ZNF346: variants seen among roughly 807,000 people sequenced by gnomAD.
ZNF346 encodes the protein zinc finger protein 346, also known as double-stranded RNA-binding zinc finger protein JAZ.
A neutral mutation model predicts 33.7 loss-of-function variants in ZNF346; 23 were observed. The ratio of observed to expected loss-of-function variants is 0.68; its 90% CI spans 0.49 to 0.97. The LOEUF is 0.97. Ranked by LOEUF, ZNF346 falls within the 50% of genes least tolerant of loss-of-function variation. The pLI is 0.00. For synonymous variants in ZNF346, 134 were observed against 142.4 expected (o/e 0.94, Z 0.42); for missense variants, 340 against 371.1 (o/e 0.92, Z 0.69).
intron 5 of ZNF346, among the ~76,000 whole-genome samples, chr5:177,059,810 A>G (rs1483502153): frequency 6.6e-6 from 1 of 152,232 alleles, no homozygotes; most frequent in African/African-American, 2.4e-5. Flanking sequence ...TGTGGTAAAT[A>G]CGTAGTAAAC....
chr5:177,060,094 T>C (rs1484715014), intron 5 of ZNF346, among the ~76,000 whole-genome samples: 5 of 152,168 alleles, frequency 3.3e-5, no homozygotes, highest in Admixed American at 2.6e-4. Context: ...GCCTTCACCC[T>C]GAGAGCACTG....
chr5:177,044,532 A>T lies in ZNF346; in HGVS notation c.516A>T (p.Glu172Asp). 6.2e-7 allele frequency: 1 copy of T among 1,613,628 alleles called. No homozygotes were observed. Among genetic ancestry groups the T allele is most frequent in the Non-Finnish European group, 8.5e-7 (1 of 1,179,958 alleles). Reference sequence around the variant, plus strand: ...TGAAGCAGCAGTCCACTAAGGTGGAAGGTACTGGTTTTCCTGAGTAGTGCT... The same window carrying T: ...TGAAGCAGCAGTCCACTAAGGTGGATGGTACTGGTTTTCCTGAGTAGTGCT... The part of the protein sequence containing the change: ...LKLKQQSTKV[E>D]ALHQNREMID... Residue 172 changes from glutamate (E) to aspartate (D), a missense_variant and splice_region_variant, in exon 4 of 7, where the codon GAA becomes GAT. Glu to Asp is a conservative substitution (Grantham distance 45, BLOSUM62 2). Transcript: ENST00000358149.
chr5:177,075,123 G>A (rs568262498), intron 8 of ZNF346, among the ~76,000 whole-genome samples: 36 of 151,810 alleles, frequency 2.4e-4, no homozygotes, highest in Admixed American at 5.3e-4. Flanking sequence ...CATTTTGGCC[G>A]GGCATGGTGG....
Position 177,028,040 on chromosome 5 carries a change from C to CTTTT in ZNF346, c.175+5156_175+5159dup, listed in dbSNP as rs10682528. ...GAATATTTTGTTTCTCCTTGTGTCA[C>CTTTT]TTTTTTTTTTTTTTTTTTTTTTTTT... is the stretch of plus-strand genomic sequence containing the variant. On this transcript the variant is annotated intron_variant, in intron 1 of 6. Coordinates refer to ENST00000358149, the MANE Select transcript of ZNF346 (RefSeq NM_012279.4). Among the ~76,000 whole-genome samples, 301 of 33,538 alleles carry CTTTT rather than the reference C, an allele frequency of 9.0e-3. 84 individuals are homozygous for CTTTT. The highest frequency in any genetic ancestry group is 0.034 in the African/African-American group (242 of 7,216). 22.0% of individuals were successfully genotyped at this position (33,538 alleles called of 152,430 possible).
chr5:177,057,812 A>ATTTATTTG lies in ZNF346; in HGVS notation c.704-4239_704-4238insGTTTATTT, dbSNP rs1554152957. Among the ~76,000 whole-genome samples the ATTTATTTG allele has an allele frequency of 3.6e-3, 437 of 122,044 alleles. 17 individuals are homozygous for ATTTATTTG. The East Asian group carries it at 0.088, about 25-fold the overall frequency. 80.1% of individuals were successfully genotyped at this position (122,044 alleles called of 152,430 possible). On this transcript the variant is annotated intron_variant, in intron 5 of 6. Coordinates refer to ENST00000358149, the MANE Select transcript of ZNF346 (RefSeq NM_012279.4). Reference sequence around the variant, plus strand: ...CATAGATTTTCTTATTTATTTATTTATTTATTTATTTATTTATTTATTTAT... The same window carrying ATTTATTTG: ...CATAGATTTTCTTATTTATTTATTTATTTATTTGTTTATTTATTTATTTATTTATTTAT...
intron 4 of ZNF346, among the ~76,000 whole-genome samples, chr5:177,047,151 C>T (rs533725402): frequency 2.6e-5 from 4 of 151,772 alleles, no homozygotes; most frequent in East Asian, 3.9e-4. Context: ...TGGGTTCAAG[C>T]GATTCTTCTG....
chr5:177,040,194 A>C (rs1404473314), intron 1 of ZNF346, among the ~76,000 whole-genome samples: 1 of 150,922 alleles, frequency 6.6e-6, no homozygotes, highest in Non-Finnish European at 1.5e-5. Context: ...AAAAAAAAAA[A>C]CAAACAAAAA....
At chr5:177,072,569 G>C (rs1244803163), downstream of ZNF346, among the ~76,000 whole-genome samples, 1 of 152,166 alleles carries the variant, frequency 6.6e-6, no homozygotes, top group Non-Finnish European at 1.5e-5. Flanking sequence ...CACAGAGGAG[G>C]CCGGGCTCGG....
downstream of ZNF346, among the ~76,000 whole-genome samples, chr5:177,069,452 C>CAAAA (rs71299775): frequency 1.7e-4 from 25 of 143,254 alleles, no homozygotes; most frequent in Middle Eastern, 3.6e-3. Flanking sequence ...GACTCTGTCT[C>CAAAA]AAAAAAAAAA....
At chr5:177,026,114 C>T (rs1776729563) in intron 1 of ZNF346, among the ~76,000 whole-genome samples, 1 of 151,854 alleles carries the variant, frequency 6.6e-6, no homozygotes, top group African/African-American at 2.4e-5. Flanking sequence ...AAGCGATTCT[C>T]CTGCCTCAGC....
At chr5:177,028,522 T>TATATATATATATATA in intron 1 of ZNF346, among the ~76,000 whole-genome samples, 1 of 23,092 alleles carries the variant, frequency 4.3e-5, no homozygotes, top group Non-Finnish European at 7.8e-5. Context: ...ATATATATAT[T>TATATATATATATATA]TCCCTCCATA....
intron 8 of ZNF346, among the ~76,000 whole-genome samples, chr5:177,078,221 A>G (rs1783844994): frequency 6.6e-6 from 1 of 152,238 alleles, no homozygotes; most frequent in African/African-American, 2.4e-5. Flanking sequence ...GGTATCTGGT[A>G]GAATGCCTGG....
At chr5:177,024,584 C>T (rs1776499226) in intron 1 of ZNF346, among the ~76,000 whole-genome samples, 1 of 152,174 alleles carries the variant, frequency 6.6e-6, no homozygotes, top group Non-Finnish European at 1.5e-5. Flanking sequence ...GATGCCTGCT[C>T]TGGACCCGGA....
chr5:177,053,946 C>T (rs1001607119), intron 5 of ZNF346, among the ~76,000 whole-genome samples: 7 of 152,186 alleles, frequency 4.6e-5, no homozygotes, highest in South Asian at 2.1e-4. Context: ...GAGCAGATAG[C>T]GTATACAGTG....
chr5:177,056,047 G>GC lies in ZNF346; in HGVS notation c.703+5113dup, dbSNP rs1452229307. Among the ~76,000 whole-genome samples the GC allele has an allele frequency of 1.1e-4, 16 of 144,730 alleles. No homozygotes were observed. In the East Asian group the frequency reaches 3.3e-3, roughly 29 times the overall value. 94.9% of individuals were successfully genotyped at this position (144,730 alleles called of 152,430 possible). A position where few individuals can be genotyped will look rare whatever the true frequency, so the allele number is the denominator to read the frequency against. On this transcript the variant is annotated intron_variant, in intron 5 of 6. Transcript: ENST00000358149. The stretch of plus-strand genomic sequence containing the variant: ...GCCAAGATCGTGTCACTGCACTCCA[G>GC]CCTGGGCAAAAAAGCCAGACTCCGT...
exon 9 of ZNF346, chr5:177,080,373 T>C (rs1167581786): frequency 1.3e-5 from 2 of 152,264 alleles, no homozygotes; most frequent in Non-Finnish European, 1.5e-5. Flanking sequence ...GCAAGGGGTA[T>C]ATGCCAGGCA....
At chr5:177,061,164 A>G (rs1197333065) in intron 5 of ZNF346, among the ~76,000 whole-genome samples, 1 of 147,806 alleles carries the variant, frequency 6.8e-6, no homozygotes, top group African/African-American at 2.5e-5. Context: ...GCTAAGGATC[A>G]GGCCGGGTGC....
intron 5 of ZNF346, among the ~76,000 whole-genome samples, chr5:177,057,978 C>T (rs1312682406): frequency 6.7e-6 from 1 of 150,044 alleles, no homozygotes; most frequent in South Asian, 2.1e-4. Flanking sequence ...TGCACCACCA[C>T]GGCCAGCTAA....
chr5:177,044,463 C>T lies in ZNF346; in HGVS notation c.447C>T (p.Ala149=). 6.2e-7 allele frequency: 1 copy of T among 1,614,034 alleles called. No homozygotes were observed. Among genetic ancestry groups the T allele is most frequent in the East Asian group, 2.2e-5 (1 of 44,884 alleles). The change falls in exon 4 of 7, where the codon GCC becomes GCT. Residue 149 remains alanine, a synonymous_variant. Coordinates refer to ENST00000358149, the MANE Select transcript of ZNF346 (RefSeq NM_012279.4). The stretch of plus-strand genomic sequence containing the variant: ...TGACCTTTTCCTCCCCTGTCGTGGC[C>T]CAGTCGCACTACCTGGGGAAGACCC... ...CNMTFSSPVV[A]QSHYLGKTHA...
Sources: allele counts gnomAD v4.1 joint callset (sites outside exome capture counted in the v4.1 genomes callset), GRCh38; gene constraint gnomAD v4.1.1; transcripts MANE v1.5; gene names NCBI Gene and HGNC (gene_info 2026-07-23, HGNC 2026-07-21).